ABCA13: variants seen among roughly 807,000 people sequenced by gnomAD.
ABCA13 encodes the protein ATP binding cassette subfamily A member 13, also known as ATP-binding cassette sub-family A member 13.
In ABCA13, 476 loss-of-function variants were observed where a neutral mutation model predicts 478.7. The ratio of observed to expected loss-of-function variants is 0.99; its 90% CI spans 0.92 to 1.07. ABCA13 has a LOEUF of 1.07. Ranked by LOEUF, ABCA13 falls within the 50% of genes least tolerant of loss-of-function variation. The probability of loss-of-function intolerance (pLI) is 0.00; values close to 1 mark genes in which losing one functional copy is unlikely to be tolerated. For synonymous variants in ABCA13, 2,252 were observed against 2,158.9 expected, an observed-to-expected ratio of 1.04 and a Z score of -1.20; for missense variants, 6,060 against 5,910.6, an observed-to-expected ratio of 1.03 and a Z score of -0.83.
chr7:48,392,134 C>A lies in ABCA13; in HGVS notation c.11868C>A (p.Val3956=). 6.2e-7 allele frequency: 1 copy of A among 1,613,522 alleles called. No individual in the cohort carries two copies. The highest frequency in any genetic ancestry group is 1.1e-5 in the South Asian group (1 of 91,016). The change falls in exon 38 of 62, where the codon GTC becomes GTA. Residue 3956 remains valine (V), a synonymous_variant. Coordinates refer to ENST00000435803, the MANE Select transcript of ABCA13 (RefSeq NM_152701.5). ...CCAAGAAGGAGCTGCATCAGCAAGTCAATCAGTTAGTAAACAGTTGTCTCT... is the reference window on the plus strand; with the variant it reads ...CCAAGAAGGAGCTGCATCAGCAAGTAAATCAGTTAGTAAACAGTTGTCTCT... ...QWTKKELHQQ[V]NQTLQDVDLT...
At chr7:48,405,291 C>A (rs1386572807) in intron 39 of ABCA13, among the ~76,000 whole-genome samples, 1 of 152,224 alleles carries the variant, frequency 6.6e-6, no homozygotes, top group African/African-American at 2.4e-5. Context: ...GGAGTCCAAG[C>A]TACAAATGCC....
chr7:48,537,245 G>T (rs1183093949), intron 55 of ABCA13, among the ~76,000 whole-genome samples: 2 of 151,982 alleles, frequency 1.3e-5, no homozygotes, highest in African/African-American at 4.8e-5. Flanking sequence ...TGATTTAAGT[G>T]TTTTTTGTGT....
At chr7:48,182,616 G>A (rs1392095907) in intron 1 of ABCA13, among the ~76,000 whole-genome samples, 1 of 152,006 alleles carries the variant, frequency 6.6e-6, no homozygotes, top group Non-Finnish European at 1.5e-5. Flanking sequence ...TGAAAGAAAA[G>A]CAATTATTTT....
chr7:48,411,000 T>TTTTA (rs1491326307), intron 40 of ABCA13, among the ~76,000 whole-genome samples: 1 of 108,140 alleles, frequency 9.2e-6, no homozygotes, highest in East Asian at 2.9e-4. Context: ...TCTTTCTTTC[T>TTTTA]TTCTTTCTTT....
At chr7:48,192,834 C>T (rs1797280070) in intron 1 of ABCA13, 125 bp from the exon 2 acceptor site, 2 of 709,582 alleles carry the variant, frequency 2.8e-6, no homozygotes, top group Non-Finnish European at 4.6e-6. Context: ...TGTCTGTGGG[C>T]TCCTGTCCCA....
chr7:48,221,910 C>A (rs1165942857), intron 5 of ABCA13, among the ~76,000 whole-genome samples: 1 of 152,190 alleles, frequency 6.6e-6, no homozygotes, highest in Non-Finnish European at 1.5e-5. Context: ...TAAGGTGCAA[C>A]CCTGACAATA....
chr7:48,617,260 A>G (rs1478668311), intron 59 of ABCA13, among the ~76,000 whole-genome samples: 1 of 152,172 alleles, frequency 6.6e-6, no homozygotes, highest in Non-Finnish European at 1.5e-5. Flanking sequence ...GTTGAGATGG[A>G]TGAGAGAACT....
chr7:48,320,844 A>G (rs1157385316), intron 27 of ABCA13, among the ~76,000 whole-genome samples: 1 of 152,220 alleles, frequency 6.6e-6, no homozygotes, highest in East Asian at 1.9e-4. Context: ...CCCTTTGGCT[A>G]AAGGACAGAG....
chr7:48,351,064 T>TGGGGA (rs1808898266), intron 30 of ABCA13, among the ~76,000 whole-genome samples: 1 of 152,238 alleles, frequency 6.6e-6, no homozygotes, highest in African/African-American at 2.4e-5. Context: ...TTCACCATCC[T>TGGGGA]AGGACCAATG....
At chr7:48,503,586 G>A (rs1830941689) in intron 48 of ABCA13, among the ~76,000 whole-genome samples, 1 of 152,046 alleles carries the variant, frequency 6.6e-6, no homozygotes, top group Admixed American at 6.6e-5. Flanking sequence ...TGTCTTTCAT[G>A]TTCATTCATG....
At chr7:48,189,041 C>G (rs771164806) in intron 1 of ABCA13, among the ~76,000 whole-genome samples, 5 of 152,036 alleles carry the variant, frequency 3.3e-5, no homozygotes, top group African/African-American at 4.8e-5. Context: ...ATAGGTTTAC[C>G]AGACGGTTAT....
At chr7:48,551,158 A>G (rs1785290151) in intron 55 of ABCA13, among the ~76,000 whole-genome samples, 1 of 151,580 alleles carries the variant, frequency 6.6e-6, no homozygotes. Flanking sequence ...TGTTCATGTC[A>G]TATATTTCCT....
At chr7:48,230,883 G>T (rs369438008) in intron 7 of ABCA13, among the ~76,000 whole-genome samples, 2 of 152,034 alleles carry the variant, frequency 1.3e-5, no homozygotes, top group Admixed American at 6.5e-5. Flanking sequence ...AATAAACAAC[G>T]AGCACTTCCT....
At chr7:48,422,497 G>T (rs1820902604) in intron 41 of ABCA13, among the ~76,000 whole-genome samples, 1 of 152,168 alleles carries the variant, frequency 6.6e-6, no homozygotes, top group African/African-American at 2.4e-5. Flanking sequence ...TAAGCAAACT[G>T]AGAGACCAAG....
Position 48,601,351 on chromosome 7 carries a change from A to G in ABCA13, c.14744+6538A>G, listed in dbSNP as rs962222242. Among the ~76,000 whole-genome samples, 16 of 152,078 alleles carry G rather than the reference A, an allele frequency of 1.1e-4. No homozygotes were observed. The East Asian group carries it at 2.9e-3, about 28-fold the overall frequency. Reference sequence around the variant, plus strand: ...CATCAACCTGTCATCTACATTAGGTATTTCTCCTAATGCTATCCGTCACCC... The same window carrying G: ...CATCAACCTGTCATCTACATTAGGTGTTTCTCCTAATGCTATCCGTCACCC... On this transcript the variant is annotated intron_variant, in intron 58 of 61. Transcript: ENST00000435803.
intron 45 of ABCA13, among the ~76,000 whole-genome samples, chr7:48,473,183 G>A (rs1827701690): frequency 6.6e-6 from 1 of 152,212 alleles, no homozygotes; most frequent in Non-Finnish European, 1.5e-5. Context: ...ACATGTGGGA[G>A]TACAAATCAA....
rs527898105 is a variant in ABCA13, at chr7:48,293,194, C to A, written c.8956-2506C>A. Among the ~76,000 whole-genome samples, 110 of 128,426 alleles carry A rather than the reference C, an allele frequency of 8.6e-4. 2 individuals are homozygous for A. The highest frequency in any genetic ancestry group is 1.7e-3 in the Non-Finnish European group (98 of 56,440). The allele number at this position is 128,426 out of a possible 152,430, so 84.3% of individuals were successfully genotyped here. On this transcript the variant is annotated intron_variant, in intron 20 of 61. Coordinates refer to ENST00000435803, the MANE Select transcript of ABCA13 (RefSeq NM_152701.5). ...CATCATTTCCTGAGAAGTCTTCAGCCCCCCCCCCGCCACACACACACTAAA... is the reference window on the plus strand; with the variant it reads ...CATCATTTCCTGAGAAGTCTTCAGCACCCCCCCCGCCACACACACACTAAA...
chr7:48,288,429 A>C (rs1798063309), intron 20 of ABCA13, among the ~76,000 whole-genome samples: 1 of 152,230 alleles, frequency 6.6e-6, no homozygotes, highest in Admixed American at 6.5e-5. Flanking sequence ...CTCAAGATTC[A>C]TCACTTCCTA....
At chr7:48,572,706 T>C (rs74376016) in intron 55 of ABCA13, among the ~76,000 whole-genome samples, 5 of 152,194 alleles carry the variant, frequency 3.3e-5, no homozygotes, top group African/African-American at 1.2e-4. Flanking sequence ...TGAATTTTAC[T>C]TATTGTAACA....
Sources: allele counts gnomAD v4.1 joint callset (sites outside exome capture counted in the v4.1 genomes callset), GRCh38; gene constraint gnomAD v4.1.1; transcripts MANE v1.5; gene names NCBI Gene and HGNC (gene_info 2026-07-23, HGNC 2026-07-21).